The following LAMA2 variants were observed in gnomAD, a reference collection of about 807,000 sequenced individuals.
LAMA2 encodes the protein laminin subunit alpha 2, also known as laminin subunit alpha-2.
In LAMA2, 269 loss-of-function variants were observed where a neutral mutation model predicts 364.8. The observed-to-expected ratio is 0.74, with a 90% CI of 0.67 to 0.82. The LOEUF (loss-of-function observed/expected upper bound fraction) is 0.82, where lower values mean the gene tolerates loss of function less well. LAMA2 is among the 40% of genes least tolerant of loss of function. LAMA2 has a pLI of 0.00. For missense variants in LAMA2, 3,807 were observed against 3,873.2 expected (o/e 0.98, Z 0.45); for synonymous variants, 1,379 against 1,370.6 (o/e 1.01, Z -0.14).
chr6:128,894,811 T>C (rs1354634034), intron 1 of LAMA2, among the ~76,000 whole-genome samples: 3 of 152,268 alleles, frequency 2.0e-5, no homozygotes, highest in Non-Finnish European at 4.4e-5. Flanking sequence ...TTTGTGCTAA[T>C]GTACCATCAG....
At chr6:129,424,687 A>T (rs1331426936) in intron 40 of LAMA2, among the ~76,000 whole-genome samples, 1 of 152,062 alleles carries the variant, frequency 6.6e-6, no homozygotes, top group South Asian at 2.1e-4. Flanking sequence ...AATGTCTAAA[A>T]TTTTAAAAGA....
chr6:129,172,146 T>C (rs1459163480), intron 9 of LAMA2, among the ~76,000 whole-genome samples: 1 of 151,806 alleles, frequency 6.6e-6, no homozygotes, highest in East Asian at 1.9e-4. Flanking sequence ...CAGAGTAATT[T>C]GATCGTCTGA....
intron 1 of LAMA2, among the ~76,000 whole-genome samples, chr6:128,923,487 G>A (rs1479290569): frequency 6.6e-6 from 1 of 151,164 alleles, no homozygotes; most frequent in Admixed American, 6.6e-5. Context: ...CACCTAGTTT[G>A]TGGTCATTTA....
At position 129,342,379 on chromosome 6, in the gene LAMA2, C is replaced by A; in HGVS notation, c.4348C>A (p.Arg1450=). Residue 1450 remains arginine (R), a synonymous_variant, in exon 30 of 65, where the codon CGA becomes AGA. Coordinates refer to ENST00000421865, the MANE Select transcript of LAMA2 (RefSeq NM_000426.4). ...TCACACTGCTGGTGACTTCTGTGAA[C>A]GATGTGCTCTTGGATACTATGGAAT... is the stretch of plus-strand genomic sequence containing the variant. ...QHHTAGDFCE[R]CALGYYGIVK... 2 of 1,613,212 alleles carry A rather than the reference C, an allele frequency of 1.2e-6. No individual in the cohort carries two copies. Among genetic ancestry groups the A allele is most frequent in the South Asian group, 1.1e-5 (1 of 91,070 alleles).
chr6:129,371,272 TGTG>T (rs1212666561), intron 34 of LAMA2, among the ~76,000 whole-genome samples: 2 of 152,048 alleles, frequency 1.3e-5, no homozygotes, highest in Non-Finnish European at 2.9e-5. Context: ...TGTGTGTGTG[TGTG>T]TGTGTACATC....
chr6:128,883,195 G>A lies in LAMA2; in HGVS notation c.-51G>A. ...ACAAGCCAAGGCCAGGGGACAGGGC[G>A]GCAGCGACTCCTCTGGCTCCCGAGA... On this transcript the variant is annotated 5_prime_UTR_variant, in exon 1 of 65. Transcript: ENST00000421865. The A allele has an allele frequency of 6.6e-7, 1 of 1,521,396 alleles. No individual in the cohort carries two copies. Among genetic ancestry groups the A allele is most frequent in the South Asian group, 1.2e-5 (1 of 83,516 alleles). 94.2% of individuals were successfully genotyped at this position (1,521,396 alleles called of 1,614,324 possible).
In LAMA2 at chr6:129,375,016, C is replaced by A. The variant is rs577988782; in HGVS notation, c.4959+5026C>A. Among the ~76,000 whole-genome samples the A allele has an allele frequency of 3.9e-5, 6 of 152,152 alleles. No homozygotes were observed. The East Asian group carries it at 5.8e-4, about 15-fold the overall frequency. On this transcript the variant is annotated intron_variant, in intron 34 of 64. Transcript: ENST00000421865. ...ACTGCTGTAGGAGCTACCCTCTCTT[C>A]TTTAAGGGCTTTTATATTTTATACT...
chr6:128,927,788 T>G (rs1321937636), intron 1 of LAMA2, among the ~76,000 whole-genome samples: 1 of 152,212 alleles, frequency 6.6e-6, no homozygotes, highest in Non-Finnish European at 1.5e-5. Flanking sequence ...TAATAGAAAA[T>G]AAACACTTAT....
At chr6:129,092,385 T>A (rs975498136) in intron 3 of LAMA2, among the ~76,000 whole-genome samples, 1 of 152,226 alleles carries the variant, frequency 6.6e-6, no homozygotes, top group African/African-American at 2.4e-5. Context: ...AAACATGATG[T>A]CTATGATCCT....
At chr6:129,265,590 G>A (rs1004671135) in intron 15 of LAMA2, among the ~76,000 whole-genome samples, 1 of 151,946 alleles carries the variant, frequency 6.6e-6, no homozygotes, top group Non-Finnish European at 1.5e-5. Flanking sequence ...AATGGGAAGG[G>A]ATTTAATTGG....
intron 11 of LAMA2, among the ~76,000 whole-genome samples, 196 bp from the exon 12 acceptor site, chr6:129,192,484 T>A (rs938604365): frequency 1.3e-5 from 2 of 152,072 alleles, no homozygotes. Flanking sequence ...GGAAAAAAAA[T>A]AAACAATGGA....
chr6:129,368,607 G>A (rs531102206), intron 33 of LAMA2, among the ~76,000 whole-genome samples: 4 of 152,268 alleles, frequency 2.6e-5, no homozygotes, highest in Non-Finnish European at 5.9e-5. Flanking sequence ...TAATACTTAA[G>A]CAATGGATGA....
intron 49 of LAMA2, 65 bp downstream of exon 49, chr6:129,460,389 C>T: frequency 6.8e-7 from 1 of 1,467,666 alleles, no homozygotes; most frequent in East Asian, 2.3e-5. Context: ...GATTTTATTG[C>T]ATAATATTCT....
chr6:129,438,559 A>G (rs532545380), intron 41 of LAMA2, 87 bp from the exon 42 acceptor site: 4 of 676,528 alleles, frequency 5.9e-6, no homozygotes, highest in Admixed American at 4.4e-5. Context: ...TTAATTTTAT[A>G]TTAAAATAAC....
At chr6:129,224,557 G>T (rs1044325157) in intron 12 of LAMA2, among the ~76,000 whole-genome samples, 1 of 152,058 alleles carries the variant, frequency 6.6e-6, no homozygotes, top group Admixed American at 6.6e-5. Context: ...TGGCATGAAG[G>T]GCTGTTGAAT....
intron 6 of LAMA2, 38 bp from the exon 7 acceptor site, chr6:129,148,941 G>T: frequency 7.5e-7 from 1 of 1,341,926 alleles, no homozygotes; most frequent in Non-Finnish European, 1.1e-6. Flanking sequence ...GGTTCTAAAT[G>T]AGGCTAAAAT....
chr6:129,116,371 G>A lies in LAMA2; in HGVS notation c.639+17956G>A, dbSNP rs138690727. Among the ~76,000 whole-genome samples, 276 of 152,164 alleles carry A rather than the reference G, an allele frequency of 1.8e-3. 1 individual carries two copies. Among genetic ancestry groups the A allele is most frequent in the African/African-American group, 6.3e-3 (262 of 41,542 alleles). ...ATTGCTTTTATAATGATGACTTCAC[G>A]TCTTGACTCTCAGTGATTTTGTTTG... is the stretch of plus-strand genomic sequence containing the variant. On this transcript the variant is annotated intron_variant, in intron 4 of 64. Coordinates refer to ENST00000421865, the MANE Select transcript of LAMA2 (RefSeq NM_000426.4).
intron 47 of LAMA2, among the ~76,000 whole-genome samples, chr6:129,455,701 G>T (rs1782926933): frequency 6.6e-6 from 1 of 152,118 alleles, no homozygotes; most frequent in East Asian, 1.9e-4. Context: ...TCTGTTAATT[G>T]AATTTAAAAA....
chr6:129,464,710 G>A (rs2114809037), intron 50 of LAMA2, among the ~76,000 whole-genome samples: 1 of 151,944 alleles, frequency 6.6e-6, no homozygotes, highest in Non-Finnish European at 1.5e-5. Flanking sequence ...AATACATCCG[G>A]TAATAATTTT....
Sources: allele counts gnomAD v4.1 joint callset (sites outside exome capture counted in the v4.1 genomes callset), GRCh38; gene constraint gnomAD v4.1.1; transcripts MANE v1.5; gene names NCBI Gene and HGNC (gene_info 2026-07-23, HGNC 2026-07-21).